The following ATAD2 variants were observed in gnomAD, a reference collection of about 807,000 sequenced individuals.
ATAD2 encodes the protein ATPase family AAA domain-containing protein 2.
ATAD2 carries 62 observed loss-of-function variants against 168.9 expected under a neutral mutation model. The ratio of observed to expected loss-of-function variants is 0.37; its 90% CI spans 0.30 to 0.45. The LOEUF is 0.45. Ranked by LOEUF, ATAD2 falls within the 20% of genes least tolerant of loss-of-function variation. The pLI, the probability that ATAD2 is intolerant of heterozygous loss-of-function variation, is 1.00. For missense variants in ATAD2, 1,419 were observed against 1,667.8 expected (o/e 0.85, Z 2.60); for synonymous variants, 613 against 571.6 (o/e 1.07, Z -1.03).
chr8:123,350,959 C>T (rs1385330419), intron 13 of ATAD2, among the ~76,000 whole-genome samples: 1 of 150,086 alleles, frequency 6.7e-6, no homozygotes, highest in Non-Finnish European at 1.5e-5. Flanking sequence ...TCTCCATCTT[C>T]TGACCTTGTG....
chr8:123,351,786 C>G (rs1828471792), intron 13 of ATAD2, among the ~76,000 whole-genome samples: 1 of 144,222 alleles, frequency 6.9e-6, no homozygotes, highest in Non-Finnish European at 1.5e-5. Context: ...CTGGCTGTGT[C>G]GCCCAGGCTG....
upstream of ATAD2, chr8:123,401,215 G>A (rs569932009): frequency 3.5e-5 from 32 of 908,968 alleles, no homozygotes; most frequent in South Asian, 3.5e-4. Flanking sequence ...TATCGTCAAT[G>A]ACGATGATGA....
intron 6 of ATAD2, among the ~76,000 whole-genome samples, chr8:123,370,473 T>A (rs1026335297): frequency 1.3e-5 from 2 of 152,244 alleles, no homozygotes; most frequent in African/African-American, 4.8e-5. Flanking sequence ...AGTTACACGC[T>A]GCATAACTCA....
intron 24 of ATAD2, among the ~76,000 whole-genome samples, chr8:123,330,112 C>T (rs1032674205): frequency 6.6e-6 from 1 of 150,864 alleles, no homozygotes; most frequent in Non-Finnish European, 1.5e-5. Context: ...CCTCAGTCTC[C>T]CAAGAAGGTA....
chr8:123,376,058 T>C (rs1205327098), intron 2 of ATAD2, among the ~76,000 whole-genome samples: 1 of 147,884 alleles, frequency 6.8e-6, no homozygotes, highest in African/African-American at 2.5e-5. Context: ...TGAGCCAAGA[T>C]TGAGCCACTG....
chr8:123,413,233 C>A lies in ATAD2; in HGVS notation c.-2282+3015G>T, dbSNP rs984911290. On this transcript the variant is annotated intron_variant, in intron 1 of 28. Coordinates refer to the ATAD2 transcript ENST00000521903. ...CCTGGCTCTAATGAGCGCCCCCCCC[C>A]CCCCAACTCCTCCCTGCTTCCTCAT... Among the ~76,000 whole-genome samples, 53 of 150,528 alleles carry A rather than the reference C, an allele frequency of 3.5e-4. 1 individual carries two copies. The South Asian group carries it at 7.0e-3, about 20-fold the overall frequency.
chr8:123,388,001 A>G (rs905934152), intron 1 of ATAD2, among the ~76,000 whole-genome samples: 3 of 152,204 alleles, frequency 2.0e-5, no homozygotes, highest in Non-Finnish European at 2.9e-5. Flanking sequence ...TATACATGTT[A>G]TATCACTATA....
intron 19 of ATAD2, among the ~76,000 whole-genome samples, chr8:123,342,941 C>G (rs1202483651): frequency 6.6e-6 from 1 of 152,070 alleles, no homozygotes. Context: ...CAATGGTTCA[C>G]TACCTTACGT....
rs1828259453 is a variant in ATAD2, at chr8:123,346,839, T to C, written c.2213-89A>G. The C allele has an allele frequency of 2.2e-6, 3 of 1,353,266 alleles. No homozygotes were observed. The Admixed American group carries it at 7.4e-5, about 33-fold the overall frequency. The allele number at this position is 1,353,266 out of a possible 1,614,324, so 83.8% of individuals were successfully genotyped here. On this transcript the variant is annotated intron_variant, in intron 16 of 27. Coordinates refer to ENST00000287394, the MANE Select transcript of ATAD2 (RefSeq NM_014109.4). ...AGTTACCAAGTCAGCATACTTCAATTAAATTTTTTCAAAGAATCAAAAATA... is the reference window on the plus strand; with the variant it reads ...AGTTACCAAGTCAGCATACTTCAATCAAATTTTTTCAAAGAATCAAAAATA...
At chr8:123,383,201 G>T (rs1047910659) in intron 1 of ATAD2, among the ~76,000 whole-genome samples, 11 of 152,030 alleles carry the variant, frequency 7.2e-5, no homozygotes, top group Non-Finnish European at 1.2e-4. Context: ...TTCGGGGAGT[G>T]GGGGGCATGA....
At chr8:123,397,426 T>C (rs1443716890), upstream of ATAD2, among the ~76,000 whole-genome samples, 2 of 152,200 alleles carry the variant, frequency 1.3e-5, no homozygotes, top group Admixed American at 6.5e-5. Context: ...CTTGGAGCCG[T>C]GCTTGCACAT....
intron 27 of ATAD2, 43 bp from the exon 28 acceptor site, chr8:123,321,218 G>C (rs377284495): frequency 1.0e-5 from 15 of 1,502,178 alleles, no homozygotes; most frequent in Non-Finnish European, 1.3e-5. Flanking sequence ...TTTCAATATG[G>C]AATAAGCTAA....
At chr8:123,368,371 T>C (rs1323801223) in intron 8 of ATAD2, among the ~76,000 whole-genome samples, 1 of 152,132 alleles carries the variant, frequency 6.6e-6, no homozygotes, top group Non-Finnish European at 1.5e-5. Context: ...TAAGCCAAGA[T>C]CGTGCCACTG....
At chr8:123,401,861 G>A (rs1813007912) in intron 1 of ATAD2, 1 of 762,772 alleles carries the variant, frequency 1.3e-6, no homozygotes, top group Non-Finnish European at 2.4e-6. Context: ...ATACTTCAGT[G>A]AGGAGGATAA....
chr8:123,409,168 G>T (rs1813116005), intron 1 of ATAD2, among the ~76,000 whole-genome samples: 1 of 151,974 alleles, frequency 6.6e-6, no homozygotes, highest in South Asian at 2.1e-4. Context: ...CCTCTCTATT[G>T]ACCTCTCCCG....
chr8:123,327,330 TAAAAG>T (rs897121878), intron 25 of ATAD2, among the ~76,000 whole-genome samples: 3 of 152,226 alleles, frequency 2.0e-5, no homozygotes, highest in Non-Finnish European at 4.4e-5. Context: ...AAGAAAATGA[TAAAAG>T]AAAAATAAAA....
intron 1 of ATAD2, among the ~76,000 whole-genome samples, chr8:123,389,058 C>G (rs1430047731): frequency 6.6e-6 from 1 of 151,416 alleles, no homozygotes; most frequent in African/African-American, 2.4e-5. Flanking sequence ...GCTCCGCCTC[C>G]TGGGTTCACG....
chr8:123,338,585 AACT>A (rs1240492255), intron 20 of ATAD2, among the ~76,000 whole-genome samples: 2 of 152,216 alleles, frequency 1.3e-5, no homozygotes, highest in African/African-American at 4.8e-5. Flanking sequence ...TGAGCTGACA[AACT>A]ACTAAGGGAG....
chr8:123,325,863 G>A (rs769442085), intron 26 of ATAD2, 30 bp downstream of exon 26: 1 of 1,610,330 alleles, frequency 6.2e-7, no homozygotes, highest in South Asian at 1.1e-5. Context: ...AATCTGCAGA[G>A]TAAAAGCATT....
Sources: allele counts gnomAD v4.1 joint callset (sites outside exome capture counted in the v4.1 genomes callset), GRCh38; gene constraint gnomAD v4.1.1; transcripts MANE v1.5; gene names NCBI Gene and HGNC (gene_info 2026-07-23, HGNC 2026-07-21).